The following SCHIP1 variants were observed in gnomAD, a reference collection of about 807,000 sequenced individuals.
The protein encoded by SCHIP1 is schwannomin-interacting protein 1.
A neutral mutation model predicts 29.7 loss-of-function variants in SCHIP1; 8 were observed. The ratio of observed to expected loss-of-function variants is 0.27; its 90% CI spans 0.16 to 0.49. The LOEUF is 0.49. Among genes scored for constraint, SCHIP1 ranks in the 20% least tolerant of loss-of-function variants. SCHIP1 has a pLI of 0.99. For synonymous variants in SCHIP1, 76 were observed against 94.9 expected, an observed-to-expected ratio of 0.80 and a Z score of 1.16; for missense variants, 193 against 294.6, an observed-to-expected ratio of 0.66 and a Z score of 2.52.
chr3:159,720,587 T>A, the SCHIP1 span, among the ~76,000 whole-genome samples: 1 of 152,046 alleles, frequency 6.6e-6, no homozygotes, highest in Non-Finnish European at 1.5e-5. Context: ...TCTTTTTTTT[T>A]CTTTTTTCTC....
chr3:159,406,715 A>G, the SCHIP1 span, among the ~76,000 whole-genome samples: 7 of 152,212 alleles, frequency 4.6e-5, no homozygotes, highest in Admixed American at 4.6e-4. Context: ...ATAAGATATA[A>G]ATAGAAAAAA....
chr3:159,329,131 G>T, the SCHIP1 span, among the ~76,000 whole-genome samples: 1 of 151,936 alleles, frequency 6.6e-6, no homozygotes, highest in Non-Finnish European at 1.5e-5. Flanking sequence ...GGCCTGTGTG[G>T]ATGAGTAAAA....
chr3:159,521,098 A>G, the SCHIP1 span, among the ~76,000 whole-genome samples: 8 of 152,330 alleles, frequency 5.3e-5, no homozygotes, highest in African/African-American at 1.7e-4. Context: ...CCCATTTACT[A>G]TCCTGTGAGG....
chr3:159,411,429 T>C, the SCHIP1 span, among the ~76,000 whole-genome samples: 29,251 of 151,982 alleles, frequency 0.19, 2,921 homozygotes, highest in Middle Eastern at 0.29. Flanking sequence ...TGACCAGAAA[T>C]GTTAAAAATT....
At chr3:159,300,113 C>CCTTTTTTTTTT in the SCHIP1 span, among the ~76,000 whole-genome samples, 1 of 45,360 alleles carries the variant, frequency 2.2e-5, no homozygotes, top group Non-Finnish European at 4.0e-5. Flanking sequence ...GGGAAAGCTG[C>CCTTTTTTTTTT]TTTTTTTTTT....
chr3:159,371,902 G>A, the SCHIP1 span, among the ~76,000 whole-genome samples: 3 of 152,208 alleles, frequency 2.0e-5, no homozygotes, highest in African/African-American at 7.2e-5. Context: ...TTGAATTAAT[G>A]GGTGCAGAAC....
chr3:159,624,775 A>G, the SCHIP1 span, among the ~76,000 whole-genome samples: 1 of 152,150 alleles, frequency 6.6e-6, no homozygotes, highest in Non-Finnish European at 1.5e-5. Flanking sequence ...CAGGGCCCCA[A>G]GGAAGAACTA....
At chr3:159,650,743 G>T in the SCHIP1 span, among the ~76,000 whole-genome samples, 4 of 152,184 alleles carry the variant, frequency 2.6e-5, no homozygotes, top group Non-Finnish European at 4.4e-5. Context: ...ATACATTCAG[G>T]TGACTGAAAG....
the SCHIP1 span, among the ~76,000 whole-genome samples, chr3:159,441,633 C>T: frequency 1.3e-5 from 2 of 152,070 alleles, no homozygotes; most frequent in East Asian, 3.9e-4. Flanking sequence ...ATTAAGAACA[C>T]TAAGTTATAG....
the SCHIP1 span, chr3:159,722,026 C>T: frequency 3.0e-5 from 11 of 363,012 alleles, no homozygotes; most frequent in African/African-American, 8.7e-5. Context: ...TCTGTCTCAA[C>T]GTACTTTATT....
the SCHIP1 span, among the ~76,000 whole-genome samples, chr3:159,423,671 T>C: frequency 6.6e-6 from 1 of 152,056 alleles, no homozygotes; most frequent in Admixed American, 6.5e-5. Context: ...TCCGCAGACT[T>C]AAATGTCCCT....
the SCHIP1 span, among the ~76,000 whole-genome samples, chr3:159,514,873 C>T: frequency 6.6e-6 from 1 of 152,202 alleles, no homozygotes; most frequent in African/African-American, 2.4e-5. Flanking sequence ...ACTCTTACCC[C>T]AAAACTGCTT....
chr3:159,824,999 T>C, the SCHIP1 span, among the ~76,000 whole-genome samples: 1 of 152,334 alleles, frequency 6.6e-6, no homozygotes, highest in East Asian at 1.9e-4. Flanking sequence ...ACTGGCCATT[T>C]TGCCTTCTAT....
chr3:159,638,976 A>G, the SCHIP1 span, among the ~76,000 whole-genome samples: 3 of 152,096 alleles, frequency 2.0e-5, no homozygotes, highest in Non-Finnish European at 2.9e-5. Flanking sequence ...CAATTGATTT[A>G]AAGTGCTCTT....
the SCHIP1 span, among the ~76,000 whole-genome samples, chr3:159,413,095 T>C: frequency 6.6e-6 from 1 of 152,148 alleles, no homozygotes; most frequent in East Asian, 1.9e-4. Context: ...AAAAGTTCCT[T>C]GTAAAACCAT....
At chr3:159,297,661 T>C in the SCHIP1 span, among the ~76,000 whole-genome samples, 1 of 152,172 alleles carries the variant, frequency 6.6e-6, no homozygotes, top group Non-Finnish European at 1.5e-5. Flanking sequence ...AGTTTTCTTT[T>C]ACAAGTTTGC....
the SCHIP1 span, among the ~76,000 whole-genome samples, chr3:159,773,132 C>T: frequency 6.6e-6 from 1 of 152,192 alleles, no homozygotes; most frequent in Non-Finnish European, 1.5e-5. Context: ...TTTTGAAAAT[C>T]GGTCCTTAGT....
the SCHIP1 span, among the ~76,000 whole-genome samples, chr3:159,576,213 C>T: frequency 5.8e-3 from 880 of 152,300 alleles, 14 homozygotes; most frequent in African/African-American, 0.02. Context: ...AATATCACTT[C>T]ATATCCCATA....
the SCHIP1 span, among the ~76,000 whole-genome samples, chr3:159,666,101 A>G: frequency 1.3e-5 from 2 of 152,186 alleles, no homozygotes; most frequent in Non-Finnish European, 1.5e-5. Flanking sequence ...TCCCCTCCAA[A>G]TAATGAACTC....
Sources: allele counts gnomAD v4.1 joint callset (sites outside exome capture counted in the v4.1 genomes callset), GRCh38; gene constraint gnomAD v4.1.1; transcripts MANE v1.5; gene names NCBI Gene and HGNC (gene_info 2026-07-23, HGNC 2026-07-21).